Variants in SLC39A11 observed in about 807,000 individuals in gnomAD.
SLC39A11 encodes the protein solute carrier family 39 member 11.
A neutral mutation model predicts 36.1 loss-of-function variants in SLC39A11; 33 were observed. That is an observed-to-expected ratio of 0.91 (90% CI 0.69 to 1.22). The LOEUF is 1.22. SLC39A11 is among the 50% of genes most tolerant of loss of function. SLC39A11 has a pLI of 0.00. For missense variants in SLC39A11, 432 were observed against 430.3 expected, an observed-to-expected ratio of 1.00 and a Z score of -0.03; for synonymous variants, 166 against 170.3, an observed-to-expected ratio of 0.97 and a Z score of 0.20.
At chr17:72,832,792 G>A (rs2078343626) in intron 6 of SLC39A11, among the ~76,000 whole-genome samples, 1 of 152,176 alleles carries the variant, frequency 6.6e-6, no homozygotes, top group African/African-American at 2.4e-5. Context: ...CATAATTAAT[G>A]TGCACTAAAA....
chr17:73,011,666 GTTT>G (rs55954659), intron 4 of SLC39A11, among the ~76,000 whole-genome samples: 3 of 143,542 alleles, frequency 2.1e-5, no homozygotes, highest in African/African-American at 5.1e-5. Context: ...GGTTTTCTTG[GTTT>G]TTTTTTTTTT....
intron 5 of SLC39A11, among the ~76,000 whole-genome samples, chr17:72,871,518 GGA>G (rs1365037668): frequency 2.6e-5 from 4 of 152,132 alleles, no homozygotes; most frequent in African/African-American, 9.7e-5. Context: ...CTGGGGAGGA[GGA>G]GAGGGCCTAC....
At chr17:72,713,334 C>T (rs1454194333) in intron 7 of SLC39A11, among the ~76,000 whole-genome samples, 1 of 152,162 alleles carries the variant, frequency 6.6e-6, no homozygotes, top group Non-Finnish European at 1.5e-5. Context: ...TCCACAAAGG[C>T]CCTTGGTCAC....
chr17:72,903,891 A>C lies in SLC39A11; in HGVS notation c.430+43861T>G, dbSNP rs574432568. Among the ~76,000 whole-genome samples the C allele has an allele frequency of 3.3e-5, 5 of 152,078 alleles. No homozygotes were observed. In the East Asian group the frequency reaches 5.8e-4, roughly 18 times the overall value. On this transcript the variant is annotated intron_variant, in intron 5 of 9. Transcript: ENST00000255559. ...TGCCCCACCTCCCTCTCACCCTGCT[A>C]TATGCATAACAGGAGCAAGTGAGCT...
chr17:72,977,400 A>C lies in SLC39A11; in HGVS notation c.307-29525T>G, dbSNP rs73349343. Among the ~76,000 whole-genome samples, 576 of 152,290 alleles carry C rather than the reference A, an allele frequency of 3.8e-3. 5 individuals carry two copies. Among genetic ancestry groups the C allele is most frequent in the African/African-American group, 0.012 (518 of 41,556 alleles). ...CAACCCTCTGACCTATGGAGTTTTG[A>C]GCTAACAAAGGGTGCTGTTTAAAGC... On this transcript the variant is annotated intron_variant, in intron 4 of 9. Coordinates refer to ENST00000255559, the MANE Select transcript of SLC39A11 (RefSeq NM_139177.4).
intron 5 of SLC39A11, among the ~76,000 whole-genome samples, chr17:72,851,050 G>A (rs1487588142): frequency 6.6e-6 from 1 of 151,974 alleles, no homozygotes; most frequent in East Asian, 1.9e-4. Flanking sequence ...ACAATCAGAA[G>A]GAATCAGATA....
At chr17:72,919,651 G>A (rs1205421201) in intron 5 of SLC39A11, among the ~76,000 whole-genome samples, 4 of 140,074 alleles carry the variant, frequency 2.9e-5, no homozygotes, top group Non-Finnish European at 4.5e-5. Context: ...CAGACTGGGC[G>A]ACAGAGGGAG....
chr17:72,915,201 T>C (rs2083263927), intron 5 of SLC39A11, among the ~76,000 whole-genome samples: 1 of 152,106 alleles, frequency 6.6e-6, no homozygotes, highest in South Asian at 2.1e-4. Flanking sequence ...CAGCTTATTC[T>C]GAAGATGCCT....
intron 4 of SLC39A11, among the ~76,000 whole-genome samples, chr17:72,985,474 G>A (rs527950272): frequency 6.6e-4 from 95 of 144,778 alleles, no homozygotes; most frequent in Admixed American, 1.5e-3. Flanking sequence ...GTGCAGGGGC[G>A]CCATCTCGGC....
At chr17:72,669,719 T>C (rs1158298859) in intron 7 of SLC39A11, among the ~76,000 whole-genome samples, 1 of 152,012 alleles carries the variant, frequency 6.6e-6, no homozygotes, top group Admixed American at 6.6e-5. Flanking sequence ...ATCAGCCAGG[T>C]GCGGTGGCTT....
At chr17:72,901,048 C>T (rs1394127731) in intron 5 of SLC39A11, among the ~76,000 whole-genome samples, 2 of 151,508 alleles carry the variant, frequency 1.3e-5, no homozygotes, top group African/African-American at 4.8e-5. Context: ...GAGGTTGCAA[C>T]GCTGAGGAAA....
chr17:72,745,762 A>G (rs2074909399), intron 6 of SLC39A11, among the ~76,000 whole-genome samples: 1 of 152,212 alleles, frequency 6.6e-6, no homozygotes, highest in African/African-American at 2.4e-5. Flanking sequence ...AGTCTAGAAA[A>G]TATCAATGCA....
At chr17:72,792,421 A>G (rs1354103565) in intron 6 of SLC39A11, among the ~76,000 whole-genome samples, 1 of 152,122 alleles carries the variant, frequency 6.6e-6, no homozygotes, top group Non-Finnish European at 1.5e-5. Flanking sequence ...CTAGGTGGGG[A>G]GCCTTTCCTA....
chr17:72,834,693 T>C (rs1268439173), intron 6 of SLC39A11, among the ~76,000 whole-genome samples: 1 of 150,128 alleles, frequency 6.7e-6, no homozygotes, highest in Non-Finnish European at 1.5e-5. Flanking sequence ...TTCTAGCCAA[T>C]ACCTGGCCAT....
chr17:72,942,484 T>C (rs576978003), intron 5 of SLC39A11, among the ~76,000 whole-genome samples: 2 of 152,100 alleles, frequency 1.3e-5, no homozygotes, highest in Non-Finnish European at 1.5e-5. Context: ...CCCAAACACA[T>C]TATTTCGGAA....
chr17:72,950,717 G>A (rs977569716), intron 4 of SLC39A11, among the ~76,000 whole-genome samples: 4 of 152,144 alleles, frequency 2.6e-5, no homozygotes, highest in East Asian at 1.9e-4. Context: ...GCATTAATAC[G>A]CATTAAGCTG....
Position 72,655,317 on chromosome 17 carries a change from C to T in SLC39A11, c.672-6049G>A, listed in dbSNP as rs887393519. On this transcript the variant is annotated intron_variant, in intron 7 of 9. Coordinates refer to ENST00000255559, the MANE Select transcript of SLC39A11 (RefSeq NM_139177.4). ...CTGGTGGGGGTGGCCCAGTGGAGGA[C>T]ACAGTCCCTTCCAGCCCTCTCCTCT... is the stretch of plus-strand genomic sequence containing the variant. Among the ~76,000 whole-genome samples the T allele has an allele frequency of 3.3e-5, 5 of 152,272 alleles. No individual in the cohort carries two copies. In the East Asian group the frequency reaches 9.6e-4, roughly 29 times the overall value.
At chr17:72,822,917 G>A (rs1362985666) in intron 6 of SLC39A11, among the ~76,000 whole-genome samples, 1 of 150,324 alleles carries the variant, frequency 6.7e-6, no homozygotes, top group Non-Finnish European at 1.5e-5. Context: ...GTCTTGCCCT[G>A]TTTTTGTAGA....
intron 4 of SLC39A11, 106 bp from the exon 5 acceptor site, chr17:72,947,981 C>T (rs1470866603): frequency 6.9e-6 from 10 of 1,439,514 alleles, no homozygotes; most frequent in South Asian, 1.2e-5. Flanking sequence ...CTACCAAGAC[C>T]GCCACAGCTG....
Sources: allele counts gnomAD v4.1 joint callset (sites outside exome capture counted in the v4.1 genomes callset), GRCh38; gene constraint gnomAD v4.1.1; transcripts MANE v1.5; gene names NCBI Gene and HGNC (gene_info 2026-07-23, HGNC 2026-07-21).